The following PTBP3 variants were observed in gnomAD, a reference collection of about 807,000 sequenced individuals.
PTBP3 encodes polypyrimidine tract binding protein 3.
Under a neutral mutation model 58.7 loss-of-function variants are expected in PTBP3, and 20 were observed. The ratio of observed to expected loss-of-function variants is 0.34; its 90% CI spans 0.24 to 0.50. PTBP3 has a LOEUF of 0.50. PTBP3 is among the 20% of genes least tolerant of loss of function. The probability of loss-of-function intolerance (pLI) is 0.98; values close to 1 mark genes in which losing one functional copy is unlikely to be tolerated. For missense variants in PTBP3, 509 were observed against 637.2 expected, an observed-to-expected ratio of 0.80 and a Z score of 2.17; for synonymous variants, 185 against 219.8, an observed-to-expected ratio of 0.84 and a Z score of 1.40.
chr9:112,299,405 G>T (rs1274545961), intron 1 of PTBP3, among the ~76,000 whole-genome samples: 1 of 151,972 alleles, frequency 6.6e-6, no homozygotes, highest in Non-Finnish European at 1.5e-5. Context: ...TTTAACAAAA[G>T]ACATCATTAG....
intron 1 of PTBP3, among the ~76,000 whole-genome samples, chr9:112,328,721 T>TA (rs756340792): frequency 1.3e-5 from 2 of 152,082 alleles, no homozygotes; most frequent in Non-Finnish European, 2.9e-5. Context: ...GCTCAGGAGT[T>TA]AGAGGCTGCA....
At chr9:112,278,811 G>A (rs1371648896) in intron 2 of PTBP3, among the ~76,000 whole-genome samples, 1 of 152,148 alleles carries the variant, frequency 6.6e-6, no homozygotes, top group Admixed American at 6.5e-5. Flanking sequence ...AGAATATTTT[G>A]AAATTTTAAT....
At chr9:112,327,075 C>G (rs1371222512) in intron 1 of PTBP3, among the ~76,000 whole-genome samples, 2 of 151,756 alleles carry the variant, frequency 1.3e-5, no homozygotes, top group Non-Finnish European at 2.9e-5. Flanking sequence ...TAAACATTAG[C>G]TGGGTGTGGT....
intron 3 of PTBP3, among the ~76,000 whole-genome samples, chr9:112,268,704 C>T (rs1306558341): frequency 8.6e-6 from 1 of 116,214 alleles, no homozygotes; most frequent in Non-Finnish European, 1.7e-5. Context: ...AGGAGTAAGA[C>T]ACCGTCTCAA....
the PTBP3 span, among the ~76,000 whole-genome samples, chr9:112,341,463 C>T: frequency 1.2e-4 from 18 of 151,890 alleles, no homozygotes; most frequent in East Asian, 2.9e-3. Flanking sequence ...TGTTTGTATC[C>T]GGCAAGAAAA....
At chr9:112,241,266 G>C (rs1271639673) in intron 7 of PTBP3, among the ~76,000 whole-genome samples, 1 of 152,038 alleles carries the variant, frequency 6.6e-6, no homozygotes, top group Non-Finnish European at 1.5e-5. Context: ...ACCACACCCA[G>C]CTAATTTTTG....
chr9:112,268,152 ACCATAGTAACGGCAG>A lies in PTBP3; in HGVS notation c.233_247del (p.Ala78_Met82del), dbSNP rs1827184992. 6.2e-7 allele frequency: 1 copy of A among 1,612,966 alleles called. No individual in the cohort carries two copies. Among genetic ancestry groups the A allele is most frequent in the Non-Finnish European group, 8.5e-7 (1 of 1,179,718 alleles). ...AGGAGTAATAGGAGTGTAATAATTC[ACCATAGTAACGGCAG>A]CTTCCTCAGAAGCCATTTCTAAGAA... On this transcript the variant is annotated inframe_deletion, in exon 4 of 14. Coordinates refer to ENST00000374257, the MANE Select transcript of PTBP3 (RefSeq NM_001163788.4).
chr9:112,225,151 T>G (rs1010620950), intron 12 of PTBP3, among the ~76,000 whole-genome samples: 1 of 152,164 alleles, frequency 6.6e-6, no homozygotes, highest in African/African-American at 2.4e-5. Context: ...GTCTATCACG[T>G]GACAGTCAAC....
At chr9:112,257,039 T>C (rs1836397455) in intron 5 of PTBP3, among the ~76,000 whole-genome samples, 3 of 152,236 alleles carry the variant, frequency 2.0e-5, no homozygotes, top group Admixed American at 2.0e-4. Flanking sequence ...TAATTTCCAC[T>C]CACCTTTCAG....
intron 9 of PTBP3, 126 bp downstream of exon 9, chr9:112,231,973 A>G (rs1433798490): frequency 1.3e-4 from 52 of 385,318 alleles, no homozygotes; most frequent in African/African-American, 7.8e-4. Flanking sequence ...AGAAGAGAGA[A>G]GAGAAGAGAA....
the PTBP3 span, among the ~76,000 whole-genome samples, chr9:112,347,401 T>C: frequency 6.6e-6 from 1 of 150,558 alleles, no homozygotes; most frequent in Non-Finnish European, 1.5e-5. Context: ...AGTGCAGTGG[T>C]ATGATCATGG....
At position 112,251,113 on chromosome 9, in the gene PTBP3, G is replaced by A. The variant is rs368566968; in HGVS notation, c.628-10C>T. ...TCTGGCCATCCAGAGCCTAAAGCAT[G>A]TAAGAAAGGGACTGGTTTTGGCAAG... On this transcript the variant is annotated splice_polypyrimidine_tract_variant and intron_variant, in intron 6 of 13. Coordinates refer to ENST00000374257, the MANE Select transcript of PTBP3 (RefSeq NM_001163788.4). The A allele has an allele frequency of 3.2e-6, 5 of 1,539,000 alleles. No homozygotes were observed. The highest frequency in any genetic ancestry group is 4.4e-6 in the Non-Finnish European group (5 of 1,142,106).
chr9:112,231,711 G>C (rs1440594524), intron 9 of PTBP3, among the ~76,000 whole-genome samples: 1 of 150,660 alleles, frequency 6.6e-6, no homozygotes, highest in African/African-American at 2.5e-5. Flanking sequence ...AGACCAGCCT[G>C]GGCAACATAG....
rs184386222 is a variant in PTBP3 at position 112,294,389 on chromosome 9, A to T, written c.34+3443T>A. On this transcript the variant is annotated intron_variant, in intron 2 of 13. Coordinates refer to ENST00000374257, the MANE Select transcript of PTBP3 (RefSeq NM_001163788.4). ...AAAAATTAGCTGGGTGTGGTGGCAC[A>T]TGCCTGTAGTCCCAGCTACTTGAGA... Among the ~76,000 whole-genome samples, 20 of 152,244 alleles carry T rather than the reference A, an allele frequency of 1.3e-4. No individual in the cohort carries two copies. In the East Asian group the frequency reaches 3.1e-3, roughly 24 times the overall value.
At position 112,324,677 on chromosome 9, in the gene PTBP3, T is replaced by C. The variant is rs547625835; in HGVS notation, c.-52+8793A>G. Reference sequence around the variant, plus strand: ...TTTTTTTTTTAAAAAAAAACAACTTTAAAAGAATAGACAAAAGACTTAACA... The same window carrying C: ...TTTTTTTTTTAAAAAAAAACAACTTCAAAAGAATAGACAAAAGACTTAACA... On this transcript the variant is annotated intron_variant, in intron 1 of 13. Transcript: ENST00000374257. Among the ~76,000 whole-genome samples, 6 of 150,046 alleles carry C rather than the reference T, an allele frequency of 4.0e-5. No homozygotes were observed. The East Asian group carries it at 1.2e-3, about 29-fold the overall frequency.
the PTBP3 span, among the ~76,000 whole-genome samples, chr9:112,339,087 A>G: frequency 6.6e-6 from 1 of 152,070 alleles, no homozygotes; most frequent in African/African-American, 2.4e-5. Context: ...ACAGAAAATC[A>G]TCCTTTAAGA....
At chr9:112,232,343 A>C in intron 8 of PTBP3, 105 bp from the exon 9 acceptor site, 3 of 1,169,824 alleles carry the variant, frequency 2.6e-6, no homozygotes, top group Non-Finnish European at 3.5e-6. Flanking sequence ...CAGAAAGAAA[A>C]TGTGTCAAGG....
In PTBP3 at chr9:112,260,723, TG is replaced by T. The variant is rs1217269075; in HGVS notation, c.516+1711del. On this transcript the variant is annotated intron_variant, in intron 5 of 13. Transcript: ENST00000374257. ...GTGTTAGGTAATGAAGATAAAGAGA[TG>T]GGGGAGAAGTCTGCATTTGGGGGCC... is the stretch of plus-strand genomic sequence containing the variant. Among the ~76,000 whole-genome samples, 5 of 151,960 alleles carry T rather than the reference TG, an allele frequency of 3.3e-5. No individual in the cohort carries two copies. In the East Asian group the frequency reaches 9.7e-4, roughly 29 times the overall value.
intron 1 of PTBP3, among the ~76,000 whole-genome samples, chr9:112,300,422 C>T (rs551914244): frequency 2.6e-4 from 39 of 152,324 alleles, no homozygotes; most frequent in African/African-American, 8.9e-4. Context: ...GAATGAACTA[C>T]GGCTCCACAT....
Sources: gnomAD v4.1 joint callset for allele counts (sites outside exome capture counted in the v4.1 genomes callset) on GRCh38, gnomAD v4.1.1 for gene constraint, MANE v1.5 for transcripts, NCBI Gene and HGNC (gene_info 2026-07-23, HGNC 2026-07-21) for gene names.